Variants in MGAT4C observed in about 807,000 individuals in gnomAD.
MGAT4C encodes alpha-1,3-mannosyl-glycoprotein 4-beta-N-acetylglucosaminyltransferase C.
MGAT4C carries 19 observed loss-of-function variants against 40.1 expected under a neutral mutation model. The observed-to-expected ratio is 0.47, with a 90% confidence interval of 0.33 to 0.70. The LOEUF is 0.70. Ranked by LOEUF, MGAT4C falls within the 30% of genes least tolerant of loss-of-function variation. The pLI, the probability that MGAT4C is intolerant of heterozygous loss-of-function variation, is 0.02. For missense variants in MGAT4C, 491 were observed against 563.2 expected, an observed-to-expected ratio of 0.87 and a Z score of 1.30; for synonymous variants, 181 against 187.1, an observed-to-expected ratio of 0.97 and a Z score of 0.27.
intron 2 of MGAT4C, among the ~76,000 whole-genome samples, chr12:85,998,110 T>C (rs982645535): frequency 1.3e-5 from 2 of 152,336 alleles, no homozygotes; most frequent in African/African-American, 4.8e-5. Flanking sequence ...TCAGGCTCAA[T>C]ACCATATGGA....
intron 3 of MGAT4C, among the ~76,000 whole-genome samples, chr12:86,430,367 G>A (rs1957010497): frequency 6.6e-6 from 1 of 151,298 alleles, no homozygotes; most frequent in South Asian, 2.1e-4. Context: ...ACATTTGAGG[G>A]AATAGTCCCC....
At chr12:86,266,160 A>G (rs542997731) in intron 4 of MGAT4C, among the ~76,000 whole-genome samples, 1 of 152,212 alleles carries the variant, frequency 6.6e-6, no homozygotes, top group Admixed American at 6.5e-5. Flanking sequence ...TCTGGCTAGG[A>G]CTTCTAGTAC....
rs547913752 is a variant in MGAT4C at position 85,963,265 on chromosome 12, G to T, written c.*16024C>A. On this transcript the variant is annotated 3_prime_UTR_variant, in exon 5 of 5. Transcript: ENST00000611864. Reference sequence around the variant, plus strand: ...CATAAATATTTTAAAAGTACACATTGTTCCATGGCTTTTGCCTTTAGAATA... The same window carrying T: ...CATAAATATTTTAAAAGTACACATTTTTCCATGGCTTTTGCCTTTAGAATA... 60 of 151,956 alleles carry T rather than the reference G, an allele frequency of 3.9e-4. No homozygotes were observed. Among genetic ancestry groups the T allele is most frequent in the African/African-American group, 1.4e-3 (58 of 41,518 alleles). The allele number at this position is 151,956 out of a possible 1,614,324, so 9.4% of individuals were successfully genotyped here.
intron 1 of MGAT4C, among the ~76,000 whole-genome samples, chr12:86,222,028 T>C (rs1950899921): frequency 6.6e-6 from 1 of 152,212 alleles, no homozygotes; most frequent in African/African-American, 2.4e-5. Flanking sequence ...AGTGGTGTTG[T>C]GATAATGTAA....
At chr12:86,705,248 AT>A in intron 2 of MGAT4C, among the ~76,000 whole-genome samples, 1 of 151,826 alleles carries the variant, frequency 6.6e-6, no homozygotes, top group Non-Finnish European at 1.5e-5. Context: ...CTATCTATCT[AT>A]CTATCTATCT....
chr12:86,254,897 C>A (rs561908313), intron 1 of MGAT4C, among the ~76,000 whole-genome samples: 9 of 152,098 alleles, frequency 5.9e-5, no homozygotes, highest in South Asian at 2.1e-4. Flanking sequence ...GGAGACAATT[C>A]GAACAACAGT....
Position 86,028,580 on chromosome 12 carries a change from T to G in MGAT4C, c.-7+21094A>C, listed in dbSNP as rs554676800. 3.3e-5 allele frequency among the ~76,000 whole-genome samples: 5 copies of G among 152,076 alleles called. No individual in the cohort carries two copies. The South Asian group carries it at 1.0e-3, about 31-fold the overall frequency. On this transcript the variant is annotated intron_variant, in intron 2 of 4. Coordinates refer to ENST00000611864, the MANE Select transcript of MGAT4C (RefSeq NM_001351288.2). ...AGAAATGTTCCCTAACAGTTTTGAT[T>G]AAAATTTTAATTGATAAATTTACCA...
At chr12:86,341,557 A>G (rs193222330) in intron 3 of MGAT4C, among the ~76,000 whole-genome samples, 42 of 152,346 alleles carry the variant, frequency 2.8e-4, no homozygotes, top group African/African-American at 1.0e-3. Flanking sequence ...GATTAGACCC[A>G]CTGGCTTAAA....
intron 1 of MGAT4C, among the ~76,000 whole-genome samples, chr12:86,065,449 T>C (rs1441903627): frequency 6.6e-6 from 1 of 152,076 alleles, no homozygotes; most frequent in African/African-American, 2.4e-5. Context: ...ACAGAACCAA[T>C]GACAAAAACC....
At chr12:86,342,742 GT>G (rs904683608) in intron 3 of MGAT4C, among the ~76,000 whole-genome samples, 8 of 151,310 alleles carry the variant, frequency 5.3e-5, no homozygotes, top group African/African-American at 1.9e-4. Flanking sequence ...CCCAGCCATG[GT>G]TTTTTTTTAT....
intron 1 of MGAT4C, among the ~76,000 whole-genome samples, chr12:86,104,356 A>G (rs1262962401): frequency 6.6e-6 from 1 of 152,084 alleles, no homozygotes; most frequent in Non-Finnish European, 1.5e-5. Context: ...GCGACAGTCA[A>G]TCGAGCCTAG....
At chr12:86,584,222 T>C (rs911369944) in intron 2 of MGAT4C, among the ~76,000 whole-genome samples, 1 of 150,860 alleles carries the variant, frequency 6.6e-6, no homozygotes, top group Non-Finnish European at 1.5e-5. Flanking sequence ...GTTTTGCCTA[T>C]TAGAAAAATA....
At chr12:86,607,793 C>G (rs1049114393) in intron 2 of MGAT4C, among the ~76,000 whole-genome samples, 1 of 152,106 alleles carries the variant, frequency 6.6e-6, no homozygotes, top group African/African-American at 2.4e-5. Flanking sequence ...ATGAGGTTTG[C>G]CTGATTTGTA....
At chr12:86,067,031 T>G (rs1894610137) in intron 1 of MGAT4C, among the ~76,000 whole-genome samples, 1 of 152,148 alleles carries the variant, frequency 6.6e-6, no homozygotes, top group African/African-American at 2.4e-5. Flanking sequence ...CCAGTTAGAA[T>G]GGTGATCATT....
At chr12:86,700,174 CAGACAGATAGATAGAT>C (rs1276077481) in intron 2 of MGAT4C, among the ~76,000 whole-genome samples, 53 of 140,866 alleles carry the variant, frequency 3.8e-4, no homozygotes, top group African/African-American at 5.8e-4. Context: ...GACAGACAGA[CAGACAGATAGATAGAT>C]AGATAGATAG....
chr12:86,441,426 C>G (rs1216261639), intron 2 of MGAT4C, among the ~76,000 whole-genome samples: 19 of 151,296 alleles, frequency 1.3e-4, no homozygotes, highest in Admixed American at 8.6e-4. Context: ...TATACATGTG[C>G]CATGTTGGTG....
At chr12:86,832,240 C>A (rs1436227129) in intron 1 of MGAT4C, among the ~76,000 whole-genome samples, 1 of 151,680 alleles carries the variant, frequency 6.6e-6, no homozygotes, top group Non-Finnish European at 1.5e-5. Flanking sequence ...CAAGTCTACT[C>A]CCTGTGTATT....
intron 2 of MGAT4C, among the ~76,000 whole-genome samples, chr12:86,453,608 C>T (rs1002379111): frequency 6.6e-6 from 1 of 152,090 alleles, no homozygotes; most frequent in Non-Finnish European, 1.5e-5. Flanking sequence ...CTCTCTCAAT[C>T]TTGCAGCTCC....
At chr12:86,514,342 A>T (rs1958647045) in intron 2 of MGAT4C, among the ~76,000 whole-genome samples, 1 of 152,158 alleles carries the variant, frequency 6.6e-6, no homozygotes, top group African/African-American at 2.4e-5. Flanking sequence ...GCTTTAATTT[A>T]AAAAATGCCA....
Sources: allele counts gnomAD v4.1 joint callset (sites outside exome capture counted in the v4.1 genomes callset), GRCh38; gene constraint gnomAD v4.1.1; transcripts MANE v1.5; gene names NCBI Gene and HGNC (gene_info 2026-07-23, HGNC 2026-07-21).